The following ASXL2 variants were observed in gnomAD, a reference collection of about 807,000 sequenced individuals.
ASXL2 encodes putative Polycomb group protein ASXL2.
Under a neutral mutation model 122.0 loss-of-function variants are expected in ASXL2, and 23 were observed. The ratio of observed to expected loss-of-function variants is 0.19; its 90% CI spans 0.14 to 0.27. The LOEUF (loss-of-function observed/expected upper bound fraction) is 0.27, where lower values mean the gene tolerates loss of function less well. Among genes scored for constraint, ASXL2 ranks in the 10% least tolerant of loss-of-function variants. The pLI, the probability that ASXL2 is intolerant of heterozygous loss-of-function variation, is 1.00. For synonymous variants in ASXL2, 650 were observed against 637.0 expected (o/e 1.02, Z -0.31); for missense variants, 1,518 against 1,713.8 (o/e 0.89, Z 2.02).
At position 25,784,286 on chromosome 2, in the gene ASXL2, C is replaced by G. The variant is rs79758618; in HGVS notation, c.404-12746G>C. On this transcript the variant is annotated intron_variant, in intron 5 of 12. Coordinates refer to ENST00000435504, the MANE Select transcript of ASXL2 (RefSeq NM_018263.6). ...AAAGAAATTAAGAAAGTAGGTGGCA[C>G]CAAACCCTTGTATATGTAAGCCTCC... 7.7e-4 allele frequency among the ~76,000 whole-genome samples: 117 copies of G among 152,002 alleles called. 1 individual carries two copies. In the East Asian group the frequency reaches 0.02, roughly 26 times the overall value.
At chr2:25,779,804 T>C (rs2088605004) in intron 5 of ASXL2, among the ~76,000 whole-genome samples, 1 of 146,014 alleles carries the variant, frequency 6.8e-6, no homozygotes, top group African/African-American at 2.8e-5. Context: ...TAGGTTCTTG[T>C]TTGTCCTTTC....
At chr2:25,810,366 C>G in intron 3 of ASXL2, 1 of 661,308 alleles carries the variant, frequency 1.5e-6, no homozygotes, top group East Asian at 3.0e-5. Context: ...CTTTTAAGGT[C>G]CAGTTTTTAA....
intron 3 of ASXL2, among the ~76,000 whole-genome samples, chr2:25,813,325 A>G (rs941542597): frequency 6.6e-6 from 1 of 152,248 alleles, no homozygotes; most frequent in Admixed American, 6.5e-5. Context: ...TGTTTCAGAC[A>G]TAAGAATTTT....
At chr2:25,796,690 G>A (rs1261740508) in intron 5 of ASXL2, among the ~76,000 whole-genome samples, 3 of 152,170 alleles carry the variant, frequency 2.0e-5, no homozygotes, top group Non-Finnish European at 4.4e-5. Flanking sequence ...TTCCTAAGGA[G>A]GGTTGTTAGA....
At chr2:25,843,366 C>T (rs1162070727) in intron 2 of ASXL2, among the ~76,000 whole-genome samples, 7 of 151,502 alleles carry the variant, frequency 4.6e-5, no homozygotes, top group African/African-American at 9.7e-5. Context: ...CTCAAACTCC[C>T]GACCTCAGGT....
intron 5 of ASXL2, among the ~76,000 whole-genome samples, chr2:25,788,441 T>A (rs1226333962): frequency 6.6e-6 from 1 of 152,186 alleles, no homozygotes; most frequent in East Asian, 1.9e-4. Flanking sequence ...TTTAAAAAAA[T>A]TTCTTTTTGT....
intron 1 of ASXL2, among the ~76,000 whole-genome samples, chr2:25,864,225 A>G (rs1391386464): frequency 6.6e-6 from 1 of 151,986 alleles, no homozygotes; most frequent in African/African-American, 2.4e-5. Context: ...ATAAGAAAAC[A>G]CTCTTAATGC....
At chr2:25,781,966 C>T (rs11688219) in intron 5 of ASXL2, among the ~76,000 whole-genome samples, 47,594 of 78,852 alleles carry the variant, frequency 0.6, 13,629 homozygotes, top group Non-Finnish European at 0.68. Context: ...GGGCTTTTTT[C>T]TTTTTTTTTT....
chr2:25,857,681 T>A (rs2089797286), intron 1 of ASXL2, among the ~76,000 whole-genome samples: 1 of 152,146 alleles, frequency 6.6e-6, no homozygotes, highest in Admixed American at 6.5e-5. Context: ...TCCCTGACTA[T>A]CCTATTTAAA....
chr2:25,832,763 T>C (rs955394413), intron 3 of ASXL2, among the ~76,000 whole-genome samples: 2 of 152,328 alleles, frequency 1.3e-5, no homozygotes, highest in South Asian at 4.1e-4. Context: ...TTATTTTTAA[T>C]AGCCAAAGCC....
intron 9 of ASXL2, among the ~76,000 whole-genome samples, chr2:25,756,576 G>T (rs934779911): frequency 6.6e-6 from 1 of 151,776 alleles, no homozygotes; most frequent in Non-Finnish European, 1.5e-5. Context: ...ACATCCTTGA[G>T]ATTGAGGAAC....
intron 2 of ASXL2, among the ~76,000 whole-genome samples, chr2:25,839,089 C>G (rs2089547612): frequency 6.6e-6 from 1 of 152,094 alleles, no homozygotes. Flanking sequence ...TACAGAAAAA[C>G]AAATGAGTAA....
At chr2:25,793,952 G>T (rs1472261567) in intron 5 of ASXL2, among the ~76,000 whole-genome samples, 1 of 152,046 alleles carries the variant, frequency 6.6e-6, no homozygotes, top group African/African-American at 2.4e-5. Flanking sequence ...CTCCAATTCA[G>T]CCACCAATAA....
chr2:25,801,282 C>T (rs545184580), intron 4 of ASXL2, among the ~76,000 whole-genome samples: 1 of 152,170 alleles, frequency 6.6e-6, no homozygotes, highest in Admixed American at 6.5e-5. Flanking sequence ...TTCTTTTTAC[C>T]TCCAATATTT....
chr2:25,749,826 G>T lies in ASXL2; in HGVS notation c.1730C>A (p.Ala577Asp). The T allele has an allele frequency of 6.2e-7, 1 of 1,610,358 alleles. No individual in the cohort carries two copies. Among genetic ancestry groups the T allele is most frequent in the South Asian group, 1.1e-5 (1 of 90,260 alleles). ...TGGCCTCTTCTCCCAGCTCACAGGG[G>T]CCTCTTCTTGGGTGAGGGAAGACTT... ...KRKSSLTQEE[A>D]PVSWEKRPRV... The change falls in exon 12 of 13, where the codon GCC becomes GAC. Residue 577 changes from alanine to aspartate, a missense_variant. Physicochemically the swap from Ala to Asp is moderately radical, Grantham distance 126. Coordinates refer to ENST00000435504, the MANE Select transcript of ASXL2 (RefSeq NM_018263.6).
Position 25,754,464 on chromosome 2 carries a change from G to A in ASXL2, c.1037-825C>T, listed in dbSNP as rs188339537. Among the ~76,000 whole-genome samples, 6 of 152,238 alleles carry A rather than the reference G, an allele frequency of 3.9e-5. No homozygotes were observed. The East Asian group carries it at 1.2e-3, about 29-fold the overall frequency. The stretch of plus-strand genomic sequence containing the variant: ...GAAGAAGGAGAGGAAAAGTGTTAGA[G>A]GACCGTGGACATCACAGTCGTGGGC... On this transcript the variant is annotated intron_variant, in intron 10 of 12. Transcript: ENST00000435504.
chr2:25,759,112 G>A (rs746373432), intron 9 of ASXL2, among the ~76,000 whole-genome samples: 4 of 151,936 alleles, frequency 2.6e-5, no homozygotes, highest in African/African-American at 4.8e-5. Flanking sequence ...CCACCACCAC[G>A]CCTGGCTAAT....
In ASXL2 at chr2:25,799,513, T is replaced by C. The variant is rs1238226776; in HGVS notation, c.275A>G (p.Lys92Arg). 6.2e-7 allele frequency: 1 copy of C among 1,613,742 alleles called. No homozygotes were observed. The highest frequency in any genetic ancestry group is 2.2e-5 in the East Asian group (1 of 44,884). Residue 92 changes from lysine (K) to arginine (R), a missense_variant, in exon 5 of 13, where the codon AAA becomes AGA. Coordinates refer to ENST00000435504, the MANE Select transcript of ASXL2 (RefSeq NM_018263.6). Reference sequence around the variant, plus strand: ...TTCTTCTGAACCTTCTGACAGCTCTTTCACCCCATCCGGCACATCTTTCTG... The same window carrying C: ...TTCTTCTGAACCTTCTGACAGCTCTCTCACCCCATCCGGCACATCTTTCTG... ...TLKKDVPDGV[K>R]ELSEGSEESS... is the part of the protein sequence containing the mutation.
intron 10 of ASXL2, 105 bp from the exon 11 acceptor site, chr2:25,753,744 G>A: frequency 2.3e-6 from 2 of 851,104 alleles, no homozygotes; most frequent in Non-Finnish European, 3.7e-6. Flanking sequence ...ATACTACCAT[G>A]TGAAAGTAAC....
Sources: gnomAD v4.1 joint callset for allele counts (sites outside exome capture counted in the v4.1 genomes callset) on GRCh38, gnomAD v4.1.1 for gene constraint, MANE v1.5 for transcripts, NCBI Gene and HGNC (gene_info 2026-07-23, HGNC 2026-07-21) for gene names.